Variants in RYR2 observed in about 807,000 individuals in gnomAD.
RYR2 encodes ryanodine receptor 2, also known as cardiac muscle ryanodine receptor-calcium release channel.
Under a neutral mutation model 601.1 loss-of-function variants are expected in RYR2, and 227 were observed. The ratio of observed to expected loss-of-function variants is 0.38; its 90% CI spans 0.34 to 0.42. The LOEUF is 0.42. Ranked by LOEUF, RYR2 falls within the 10% of genes least tolerant of loss-of-function variation. The probability of loss-of-function intolerance (pLI) is 1.00; values close to 1 mark genes in which losing one functional copy is unlikely to be tolerated. For synonymous variants in RYR2, 2,223 were observed against 2,175.1 expected, an observed-to-expected ratio of 1.02 and a Z score of -0.61; for missense variants, 4,646 against 6,156.5, an observed-to-expected ratio of 0.75 and a Z score of 8.21.
At chr1:237,738,604 T>G (rs1691344891) in intron 79 of RYR2, among the ~76,000 whole-genome samples, 1 of 152,154 alleles carries the variant, frequency 6.6e-6, no homozygotes, top group Admixed American at 6.6e-5. Context: ...CAGTAGGCTG[T>G]GTGTAATATT....
chr1:237,476,434 T>C (rs746976258), intron 17 of RYR2, among the ~76,000 whole-genome samples: 2 of 140,520 alleles, frequency 1.4e-5, no homozygotes, highest in African/African-American at 5.5e-5. Context: ...CGCTTGAACC[T>C]GGGAGGTGGA....
At chr1:237,504,691 A>C (rs542069012) in intron 22 of RYR2, among the ~76,000 whole-genome samples, 3 of 152,210 alleles carry the variant, frequency 2.0e-5, no homozygotes, top group African/African-American at 7.2e-5. Flanking sequence ...AGATGATTTA[A>C]TATCTGGGGT....
chr1:237,309,420 C>T (rs1694276731), intron 2 of RYR2, among the ~76,000 whole-genome samples: 1 of 151,650 alleles, frequency 6.6e-6, no homozygotes, highest in Non-Finnish European at 1.5e-5. Flanking sequence ...TCCAAGTCCC[C>T]ACTAGATTAG....
chr1:237,696,789 C>T lies in RYR2; in HGVS notation c.9068-2176C>T, dbSNP rs370694435. Among the ~76,000 whole-genome samples, 4 of 152,162 alleles carry T rather than the reference C, an allele frequency of 2.6e-5. No homozygotes were observed. The South Asian group carries it at 6.2e-4, about 24-fold the overall frequency. ...ACTGCTTTCCCGCTCACCTCACATT[C>T]AATCCATAAGTAAATCCTTCAAATA... On this transcript the variant is annotated intron_variant, in intron 63 of 104. Transcript: ENST00000366574.
intron 38 of RYR2, among the ~76,000 whole-genome samples, chr1:237,621,091 A>G (rs1679030983): frequency 6.6e-6 from 1 of 152,196 alleles, no homozygotes; most frequent in African/African-American, 2.4e-5. Flanking sequence ...ATCAAATTAG[A>G]AAGCAGTAAC....
intron 1 of RYR2, among the ~76,000 whole-genome samples, chr1:237,127,265 T>C (rs1379836252): frequency 1.3e-5 from 2 of 152,096 alleles, no homozygotes; most frequent in African/African-American, 4.8e-5. Flanking sequence ...AAAGCCGCCA[T>C]TGTCATCCTG....
At chr1:237,464,316 G>T (rs1350446764) in intron 16 of RYR2, among the ~76,000 whole-genome samples, 3 of 151,964 alleles carry the variant, frequency 2.0e-5, no homozygotes, top group African/African-American at 7.2e-5. Flanking sequence ...AAGAGTGAAA[G>T]TGTAGCCACA....
intron 1 of RYR2, among the ~76,000 whole-genome samples, chr1:237,255,944 G>A (rs1687924598): frequency 6.6e-6 from 1 of 151,984 alleles, no homozygotes; most frequent in South Asian, 2.1e-4. Context: ...ACAGGAGTGT[G>A]GCAGAGGGAG....
In RYR2 at chr1:237,388,137, G is replaced by T; in HGVS notation, c.727G>T (p.Glu243Ter). Residue 243 changes from glutamate (E) to a stop codon, truncating the protein, a stop_gained, in exon 10 of 105, where the codon GAG becomes TAG. Transcript: ENST00000366574. LOFTEE classifies it high-confidence loss of function. ...CAGGTTGCTGCATGGACACATGGAC[G>T]AGTGTCTCACTGTCCCTTCAGGAGA... ...VLRLLHGHMD[E>*]CLTVPSGEHG... is the part of the protein sequence containing the mutation. The T allele has an allele frequency of 1.9e-6, 3 of 1,613,910 alleles. No homozygotes were observed. The highest frequency in any genetic ancestry group is 2.5e-6 in the Non-Finnish European group (3 of 1,179,894).
At position 237,387,667 on chromosome 1, in the gene RYR2, C is replaced by G. The variant is rs373139802; in HGVS notation, c.676+287C>G. Among the ~76,000 whole-genome samples, 7 of 152,086 alleles carry G rather than the reference C, an allele frequency of 4.6e-5. No individual in the cohort carries two copies. In the East Asian group the frequency reaches 1.3e-3, roughly 29 times the overall value. On this transcript the variant is annotated intron_variant, in intron 9 of 104. Coordinates refer to ENST00000366574, the MANE Select transcript of RYR2 (RefSeq NM_001035.3). ...GGATTGTTTTCTTCAATTTTTTGAC[C>G]TCAGAGTATTGCCTGGTTGGACTAA...
intron 24 of RYR2, among the ~76,000 whole-genome samples, chr1:237,512,983 A>G (rs1318004001): frequency 1.3e-5 from 2 of 151,952 alleles, no homozygotes; most frequent in Non-Finnish European, 2.9e-5. Flanking sequence ...GCAGCCTGCA[A>G]CTCCTGGGTT....
intron 1 of RYR2, among the ~76,000 whole-genome samples, chr1:237,164,465 C>G (rs1198124667): frequency 6.6e-6 from 1 of 152,056 alleles, no homozygotes; most frequent in Non-Finnish European, 1.5e-5. Context: ...ACAGTGTAAA[C>G]AAGACAAATA....
intron 1 of RYR2, among the ~76,000 whole-genome samples, chr1:237,127,485 C>T (rs1407601273): frequency 6.0e-5 from 9 of 151,128 alleles, no homozygotes; most frequent in African/African-American, 1.2e-4. Context: ...ACCTCCTTCC[C>T]GGACGGGGCG....
At chr1:237,470,223 G>A (rs1015220552) in intron 17 of RYR2, among the ~76,000 whole-genome samples, 6 of 152,100 alleles carry the variant, frequency 3.9e-5, no homozygotes, top group African/African-American at 9.7e-5. Context: ...GGCACCTATA[G>A]GTGTCTAGTA....
intron 6 of RYR2, among the ~76,000 whole-genome samples, chr1:237,373,719 G>A (rs1219470608): frequency 2.0e-5 from 3 of 152,202 alleles, no homozygotes; most frequent in African/African-American, 7.2e-5. Context: ...ATAAGGAGAT[G>A]ATGGTGTTGC....
chr1:237,103,792 C>G (rs772429305), intron 1 of RYR2, among the ~76,000 whole-genome samples: 4 of 152,222 alleles, frequency 2.6e-5, no homozygotes, highest in Non-Finnish European at 4.4e-5. Context: ...TGGTCTCGAA[C>G]TCCTGACTTC....
intron 25 of RYR2, among the ~76,000 whole-genome samples, chr1:237,544,558 T>A (rs1194517161): frequency 6.6e-6 from 1 of 152,220 alleles, no homozygotes; most frequent in Non-Finnish European, 1.5e-5. Flanking sequence ...TACTTGAAAG[T>A]GTTCAGTTTC....
intron 2 of RYR2, among the ~76,000 whole-genome samples, chr1:237,324,943 G>T (rs1450284247): frequency 6.6e-6 from 1 of 152,222 alleles, no homozygotes; most frequent in East Asian, 1.9e-4. Context: ...ACCAAAAGCA[G>T]ATTTGTCATT....
At chr1:237,455,126 A>C (rs143096337) in intron 15 of RYR2, among the ~76,000 whole-genome samples, 1 of 152,252 alleles carries the variant, frequency 6.6e-6, no homozygotes, top group African/African-American at 2.4e-5. Context: ...ATTGCCCCAA[A>C]AGTTTCACTG....
Sources: allele counts gnomAD v4.1 joint callset (sites outside exome capture counted in the v4.1 genomes callset), GRCh38; gene constraint gnomAD v4.1.1; transcripts MANE v1.5; gene names NCBI Gene and HGNC (gene_info 2026-07-23, HGNC 2026-07-21).